VPS29: variants seen among roughly 807,000 people sequenced by gnomAD.
The protein encoded by VPS29 is VPS29 retromer complex component.
A neutral mutation model predicts 20.0 loss-of-function variants in VPS29; 2 were observed. The ratio of observed to expected loss-of-function variants is 0.10; its 90% confidence interval spans 0.04 to 0.31. VPS29 has a LOEUF of 0.31. VPS29 is among the 10% of genes least tolerant of loss of function. The pLI is 1.00. For synonymous variants in VPS29, 81 were observed against 79.3 expected (o/e 1.02, Z -0.12); for missense variants, 120 against 215.3 (o/e 0.56, Z 2.77).
At chr12:110,493,990 CAACTT>C (rs1278128270) in intron 2 of VPS29, among the ~76,000 whole-genome samples, 3 of 152,062 alleles carry the variant, frequency 2.0e-5, no homozygotes, top group Non-Finnish European at 4.4e-5. Flanking sequence ...TTACAAATAT[CAACTT>C]AATTAATACA....
At chr12:110,501,348 A>G in intron 1 of VPS29, 4 of 1,531,310 alleles carry the variant, frequency 2.6e-6, no homozygotes, top group Non-Finnish European at 2.6e-6. Flanking sequence ...CTCTCCCCAG[A>G]AAAATGTGTA....
rs1193815905 is a variant in VPS29 at position 110,491,524 on chromosome 12, C to G, written c.*481G>C. The G allele has an allele frequency of 6.5e-6, 1 of 153,846 alleles. No homozygotes were observed. The highest frequency in any genetic ancestry group is 1.4e-5 in the Non-Finnish European group (1 of 69,348). 9.5% of individuals were successfully genotyped at this position (153,846 alleles called of 1,614,324 possible). A position where few individuals can be genotyped will look rare whatever the true frequency, so the allele number is the denominator to read the frequency against. On this transcript the variant is annotated 3_prime_UTR_variant, in exon 4 of 4. Coordinates refer to ENST00000549578, the MANE Select transcript of VPS29 (RefSeq NM_016226.5). ...TATGACACAATGTAAGAGAAGAGCT[C>G]TGAAAGGTCATCTCGTCCACTTTAA...
At position 110,493,020 on chromosome 12, in the gene VPS29, G is replaced by T; in HGVS notation, c.407C>A (p.Thr136Asn). The T allele has an allele frequency of 6.2e-7, 1 of 1,613,004 alleles. No individual in the cohort carries two copies. Among genetic ancestry groups the T allele is most frequent in the Non-Finnish European group, 8.5e-7 (1 of 1,179,630 alleles). Reference sequence around the variant, plus strand: ...CGTTTCCAAGGCATTATATGCCCCAGTGGCAGAACCTGGATTAATGTAGAA... The same window carrying T: ...CGTTTCCAAGGCATTATATGCCCCATTGGCAGAACCTGGATTAATGTAGAA... ...NKFYINPGSATGAYNALETNI... is the reference protein window; with the variant it reads ...NKFYINPGSANGAYNALETNI... Residue 136 changes from threonine (T) to asparagine (N), a missense_variant, in exon 3 of 4, where the codon ACT becomes AAT. Coordinates refer to ENST00000549578, the MANE Select transcript of VPS29 (RefSeq NM_016226.5).
At chr12:110,497,117 A>G (rs765972475) in intron 1 of VPS29, 1 of 152,128 alleles carries the variant, frequency 6.6e-6, no homozygotes. Context: ...GAGCTGCAAC[A>G]TAGTCTCAGA....
In VPS29 at chr12:110,493,012, A is replaced by G; in HGVS notation, c.415T>C (p.Tyr139His). Residue 139 changes from tyrosine (Y) to histidine (H), a missense_variant, in exon 3 of 4, where the codon TAT (tyrosine) becomes CAT (histidine). Coordinates refer to ENST00000549578, the MANE Select transcript of VPS29 (RefSeq NM_016226.5). Reference sequence around the variant, plus strand: ...ACTACTCACGTTTCCAAGGCATTATATGCCCCAGTGGCAGAACCTGGATTA... The same window carrying G: ...ACTACTCACGTTTCCAAGGCATTATGTGCCCCAGTGGCAGAACCTGGATTA... ...YINPGSATGA[Y>H]NALETNIIPS... 6.2e-7 allele frequency: 1 copy of G among 1,612,864 alleles called. No individual in the cohort carries two copies.
intron 2 of VPS29, 117 bp downstream of exon 2, chr12:110,495,895 A>G: frequency 2.1e-6 from 2 of 965,224 alleles, no homozygotes; most frequent in East Asian, 5.3e-5. Flanking sequence ...TTTGGAAAAG[A>G]AAAAGGGAAA....
Position 110,491,904 on chromosome 12 carries a change from T to C in VPS29, c.*101A>G. 1.2e-6 allele frequency: 1 copy of C among 835,854 alleles called. No individual in the cohort carries two copies. The highest frequency in any genetic ancestry group is 1.5e-5 in the South Asian group (1 of 67,934). The allele number at this position is 835,854 out of a possible 1,614,324, so 51.8% of individuals were successfully genotyped here. A position where few individuals can be genotyped will look rare whatever the true frequency, so the allele number is the denominator to read the frequency against. On this transcript the variant is annotated 3_prime_UTR_variant, in exon 4 of 4. Transcript: ENST00000549578. The stretch of plus-strand genomic sequence containing the variant: ...GATGGTATTATATTTTACTGCAAAA[T>C]ATTATAAAAGTGATACAATTTTGTG...
chr12:110,501,876 C>A, intron 1 of VPS29, 173 bp downstream of exon 1: 1 of 1,471,150 alleles, frequency 6.8e-7, no homozygotes, highest in Non-Finnish European at 9.2e-7. Context: ...CAGAGGTGGC[C>A]GCTCCCTTCC....
chr12:110,501,844 C>G, intron 1 of VPS29: 2 of 1,321,430 alleles, frequency 1.5e-6, no homozygotes, highest in East Asian at 5.0e-5. Context: ...GGCCGGGATA[C>G]GAGACCTAGG....
At position 110,498,822 on chromosome 12, in the gene VPS29, G is replaced by A. The variant is rs1592999037; in HGVS notation, c.4-2619C>T. 4 of 983,884 alleles carry A rather than the reference G, an allele frequency of 4.1e-6. No individual in the cohort carries two copies. In the South Asian group the frequency reaches 1.9e-4, roughly 46 times the overall value. The allele number at this position is 983,884 out of a possible 1,614,324, so 60.9% of individuals were successfully genotyped here. A position where few individuals can be genotyped will look rare whatever the true frequency, so the allele number is the denominator to read the frequency against. ...ACTGGTAATCAACATAAAAGTACCTGGATATAGAACAATCTTCATTTTAGA... is the reference window on the plus strand; with the variant it reads ...ACTGGTAATCAACATAAAAGTACCTAGATATAGAACAATCTTCATTTTAGA... On this transcript the variant is annotated intron_variant, in intron 1 of 3. Coordinates refer to ENST00000549578, the MANE Select transcript of VPS29 (RefSeq NM_016226.5).
At chr12:110,500,694 C>A (rs771574430) in intron 1 of VPS29, among the ~76,000 whole-genome samples, 28 of 151,660 alleles carry the variant, frequency 1.8e-4, no homozygotes, top group Non-Finnish European at 3.5e-4. Context: ...CGTCCCTTTA[C>A]AGCCAACCTC....
At chr12:110,492,955 T>G (rs548696904) in intron 3 of VPS29, 41 bp downstream of exon 3, 20 of 1,538,850 alleles carry the variant, frequency 1.3e-5, no homozygotes, top group Non-Finnish European at 1.8e-5. Context: ...ATGCAATTAT[T>G]TTACTAAAGC....
chr12:110,492,838 G>T, intron 3 of VPS29, 158 bp downstream of exon 3: 2 of 640,506 alleles, frequency 3.1e-6, no homozygotes, highest in South Asian at 4.0e-5. Flanking sequence ...TGTCTAGGCT[G>T]GTCTCAAACT....
At chr12:110,492,898 G>T in intron 3 of VPS29, 98 bp downstream of exon 3, 1 of 1,104,264 alleles carries the variant, frequency 9.1e-7, no homozygotes, top group Non-Finnish European at 1.3e-6. Context: ...GGTATTACAG[G>T]CATGAGCCAC....
chr12:110,492,906 C>G, intron 3 of VPS29, 90 bp downstream of exon 3: 1 of 1,195,662 alleles, frequency 8.4e-7, no homozygotes, highest in Non-Finnish European at 1.2e-6. Flanking sequence ...AGGCATGAGC[C>G]ACTGTGCCCA....
chr12:110,502,060 C>T lies in VPS29; in HGVS notation c.-9G>A, dbSNP rs201451120. 33 of 1,612,170 alleles carry T rather than the reference C, an allele frequency of 2.0e-5. No individual in the cohort carries two copies. The highest frequency in any genetic ancestry group is 1.6e-4 in the African/African-American group (12 of 75,052). ...ACTGCAGCCCTCACCATCCTGTCACCGGGCTCCGCTCAGTCACCACCACCG... is the reference window on the plus strand; with the variant it reads ...ACTGCAGCCCTCACCATCCTGTCACTGGGCTCCGCTCAGTCACCACCACCG... On this transcript the variant is annotated 5_prime_UTR_variant, in exon 1 of 4. Coordinates refer to ENST00000549578, the MANE Select transcript of VPS29 (RefSeq NM_016226.5).
At chr12:110,496,225 T>A (rs775630153) in intron 1 of VPS29, 22 bp from the exon 2 acceptor site, 1 of 1,581,852 alleles carries the variant, frequency 6.3e-7, no homozygotes, top group South Asian at 1.1e-5. Context: ...CAAGGTGAGA[T>A]AAAGCATAAT....
rs1182070424 is a variant in VPS29, at chr12:110,491,839, G to C, written c.*166C>G. 2 of 599,784 alleles carry C rather than the reference G, an allele frequency of 3.3e-6. No homozygotes were observed. Among genetic ancestry groups the C allele is most frequent in the Non-Finnish European group, 5.8e-6 (2 of 342,082 alleles). The allele number at this position is 599,784 out of a possible 1,614,324, so 37.2% of individuals were successfully genotyped here. A position where few individuals can be genotyped will look rare whatever the true frequency, so the allele number is the denominator to read the frequency against. ...ACTGTAAACTAAATATATTCTTATA[G>C]TTTACAGGAAGCTTGGAGCAATTAT... On this transcript the variant is annotated 3_prime_UTR_variant, in exon 4 of 4. Transcript: ENST00000549578.
intron 1 of VPS29, chr12:110,501,786 G>T: frequency 1.8e-6 from 2 of 1,082,024 alleles, no homozygotes; most frequent in East Asian, 5.1e-5. Flanking sequence ...GACAGGTCGG[G>T]CTGCTAGAGG....
Sources: allele counts gnomAD v4.1 joint callset (sites outside exome capture counted in the v4.1 genomes callset), GRCh38; gene constraint gnomAD v4.1.1; transcripts MANE v1.5; gene names NCBI Gene and HGNC (gene_info 2026-07-23, HGNC 2026-07-21).